The following ERC1 variants were observed in gnomAD, a reference collection of about 807,000 sequenced individuals.
The protein encoded by ERC1 is ELKS/RAB6-interacting/CAST family member 1.
In ERC1, 56 loss-of-function variants were observed where a neutral mutation model predicts 132.0. The ratio of observed to expected loss-of-function variants is 0.42; its 90% CI spans 0.34 to 0.53. The LOEUF is 0.53. Ranked by LOEUF, ERC1 falls within the 20% of genes least tolerant of loss-of-function variation. The pLI, the probability that ERC1 is intolerant of heterozygous loss-of-function variation, is 0.03. For missense variants in ERC1, 1,202 were observed against 1,349.9 expected, an observed-to-expected ratio of 0.89 and a Z score of 1.72; for synonymous variants, 478 against 476.1, an observed-to-expected ratio of 1.00 and a Z score of -0.05.
chr12:1,084,396 G>A (rs1247752808), intron 3 of ERC1, among the ~76,000 whole-genome samples: 1 of 152,098 alleles, frequency 6.6e-6, no homozygotes, highest in Admixed American at 6.5e-5. Flanking sequence ...TTTAAAAAAT[G>A]GCGTATTCCC....
intron 18 of ERC1, among the ~76,000 whole-genome samples, chr12:1,464,574 C>T (rs956769631): frequency 2.6e-5 from 3 of 116,844 alleles, no homozygotes; most frequent in Non-Finnish European, 4.8e-5. Context: ...GGCTGGAGTT[C>T]AGTGGAGCGA....
At chr12:1,177,720 C>T (rs1340610658) in intron 8 of ERC1, among the ~76,000 whole-genome samples, 1 of 152,176 alleles carries the variant, frequency 6.6e-6, no homozygotes, top group Non-Finnish European at 1.5e-5. Flanking sequence ...GCAGGAATTA[C>T]CAAAATGTGA....
chr12:1,299,583 G>A (rs964064388), intron 15 of ERC1, among the ~76,000 whole-genome samples: 1 of 152,032 alleles, frequency 6.6e-6, no homozygotes, highest in African/African-American at 2.4e-5. Context: ...TCTACACTAA[G>A]GTACCAGAAA....
At chr12:1,183,970 C>T (rs1445360742) in intron 11 of ERC1, among the ~76,000 whole-genome samples, 1 of 151,980 alleles carries the variant, frequency 6.6e-6, no homozygotes, top group Non-Finnish European at 1.5e-5. Flanking sequence ...CCCATCTCTA[C>T]TAAAAACACA....
rs139805933 is a variant in ERC1 at position 1,282,367 on chromosome 12, T to G, written c.2620-7485T>G. ...TTTATACCCACCATATAGGATCATT[T>G]TGAGGCTTTAATGAGACAATACATC... On this transcript the variant is annotated intron_variant, in intron 14 of 18. Transcript: ENST00000360905. 4.4e-3 allele frequency among the ~76,000 whole-genome samples: 674 copies of G among 152,294 alleles called. 3 individuals carry two copies. Among genetic ancestry groups the G allele is most frequent in the Middle Eastern group, 0.014 (4 of 294 alleles).
At chr12:1,414,494 T>C (rs2092012202) in intron 17 of ERC1, among the ~76,000 whole-genome samples, 1 of 152,228 alleles carries the variant, frequency 6.6e-6, no homozygotes, top group African/African-American at 2.4e-5. Context: ...TTTCAACATA[T>C]GAATTTTGAG....
chr12:1,217,376 G>A (rs1397638971), intron 12 of ERC1, among the ~76,000 whole-genome samples: 2 of 152,106 alleles, frequency 1.3e-5, no homozygotes, highest in African/African-American at 4.8e-5. Flanking sequence ...TACACAGTTT[G>A]GGAAATGGAC....
intron 14 of ERC1, among the ~76,000 whole-genome samples, chr12:1,283,564 C>T (rs1007758188): frequency 6.6e-6 from 1 of 152,128 alleles, no homozygotes; most frequent in African/African-American, 2.4e-5. Context: ...AGCCAGAGAG[C>T]AAATCAGATG....
At chr12:1,065,598 CG>C (rs34191079) in intron 2 of ERC1, among the ~76,000 whole-genome samples, 114,785 of 141,748 alleles carry the variant, frequency 0.81, 46,551 homozygotes, top group East Asian at 0.9. Flanking sequence ...TTTTTTGGGG[CG>C]GGGGGGGACG....
chr12:1,201,223 T>C (rs1368415542), intron 12 of ERC1, among the ~76,000 whole-genome samples: 1 of 152,184 alleles, frequency 6.6e-6, no homozygotes, highest in African/African-American at 2.4e-5. Context: ...TCTCTGAAAT[T>C]GGGATACACG....
intron 6 of ERC1, among the ~76,000 whole-genome samples, chr12:1,114,877 T>A (rs61100351): frequency 0.029 from 4,425 of 152,308 alleles, 222 homozygotes; most frequent in African/African-American, 0.1. Context: ...TGGAAATTTA[T>A]TTTTGGTGTT....
chr12:1,282,920 AC>A (rs2078780958), intron 14 of ERC1, among the ~76,000 whole-genome samples: 1 of 152,122 alleles, frequency 6.6e-6, no homozygotes, highest in African/African-American at 2.4e-5. Flanking sequence ...GTGGAGACTT[AC>A]GCCTTTTACT....
chr12:1,321,563 C>T (rs73034933), intron 15 of ERC1, among the ~76,000 whole-genome samples: 5,263 of 152,234 alleles, frequency 0.035, 97 homozygotes, highest in Middle Eastern at 0.075. Context: ...CCTAGAAACT[C>T]GAGACCTCTA....
chr12:1,146,445 C>G (rs1487508036), intron 8 of ERC1, among the ~76,000 whole-genome samples: 1 of 146,960 alleles, frequency 6.8e-6, no homozygotes, highest in Non-Finnish European at 1.5e-5. Flanking sequence ...TGAAACTTTA[C>G]TGAATTCATT....
chr12:1,004,401 C>CTTTTT lies in ERC1; in HGVS notation c.-157+13098_-157+13102dup, dbSNP rs71055118. Among the ~76,000 whole-genome samples, 246 of 95,002 alleles carry CTTTTT rather than the reference C, an allele frequency of 2.6e-3. 2 individuals are homozygous for CTTTTT. The highest frequency in any genetic ancestry group is 8.9e-3 in the Middle Eastern group (1 of 112). 62.3% of individuals were successfully genotyped at this position (95,002 alleles called of 152,430 possible). On this transcript the variant is annotated intron_variant, in intron 1 of 18. Transcript: ENST00000360905. ...TAAATTTCTTTCTTTTTTTCTTTCT[C>CTTTTT]TTTTTTTTTTTTTTTTTTTTTTTGA...
intron 15 of ERC1, among the ~76,000 whole-genome samples, chr12:1,321,629 TACTCATGGC>T (rs1261820329): frequency 6.6e-6 from 1 of 152,208 alleles, no homozygotes; most frequent in African/African-American, 2.4e-5. Flanking sequence ...TAGAGTATCT[TACTCATGGC>T]TTTAGGTGAT....
intron 3 of ERC1, 64 bp downstream of exon 3, chr12:1,083,644 CA>C (rs1942547001): frequency 7.8e-7 from 1 of 1,288,290 alleles, no homozygotes; most frequent in South Asian, 1.4e-5. Flanking sequence ...GATTAATCAG[CA>C]TCTTGGCCCC....
In ERC1 at chr12:1,311,572, C is replaced by T. The variant is rs183692026; in HGVS notation, c.2780+21560C>T. ...CCTATTAATGGGGACCTTTTTTTCC[C>T]GTGAGCATCTGAAACAGTCTTTTTT... On this transcript the variant is annotated intron_variant, in intron 15 of 18. Coordinates refer to ENST00000360905, the MANE Select transcript of ERC1 (RefSeq NM_178040.4). Among the ~76,000 whole-genome samples the T allele has an allele frequency of 4.4e-3, 673 of 152,086 alleles. 7 individuals are homozygous for T. The highest frequency in any genetic ancestry group is 0.016 in the African/African-American group (652 of 41,484).
chr12:1,201,161 C>T (rs1956879782), intron 12 of ERC1, among the ~76,000 whole-genome samples: 1 of 151,860 alleles, frequency 6.6e-6, no homozygotes, highest in African/African-American at 2.4e-5. Context: ...TTCCCTTTCT[C>T]CTTTTTGTCA....
Sources: allele counts gnomAD v4.1 joint callset (sites outside exome capture counted in the v4.1 genomes callset), GRCh38; gene constraint gnomAD v4.1.1; transcripts MANE v1.5; gene names NCBI Gene and HGNC (gene_info 2026-07-23, HGNC 2026-07-21).